NRCAM: variants seen among roughly 807,000 people sequenced by gnomAD.
The protein encoded by NRCAM is neuronal cell adhesion molecule, also known as NgCAM-related cell adhesion molecule.
Under a neutral mutation model 156.5 loss-of-function variants are expected in NRCAM, and 83 were observed. The observed-to-expected ratio is 0.53, with a 90% CI of 0.44 to 0.64. NRCAM has a LOEUF of 0.64. Ranked by LOEUF, NRCAM falls within the 30% of genes least tolerant of loss-of-function variation. The probability of loss-of-function intolerance (pLI) is 0.00; values close to 1 mark genes in which losing one functional copy is unlikely to be tolerated. For synonymous variants in NRCAM, 538 were observed against 563.9 expected (o/e 0.95, Z 0.65); for missense variants, 1,417 against 1,597.3 (o/e 0.89, Z 1.92).
intron 2 of NRCAM, among the ~76,000 whole-genome samples, chr7:108,382,664 A>T (rs1172601999): frequency 2.6e-5 from 4 of 152,160 alleles, no homozygotes; most frequent in Admixed American, 2.6e-4. Context: ...GGCAATCTGT[A>T]GAGGTACCCT....
At chr7:108,185,735 G>GAAAAAAAAAAAA (rs34028548) in intron 20 of NRCAM, among the ~76,000 whole-genome samples, 1 of 128,494 alleles carries the variant, frequency 7.8e-6, no homozygotes, top group African/African-American at 3.0e-5. Flanking sequence ...AGAGAGAGAG[G>GAAAAAAAAAAAA]AAAAAAAAAA....
intron 1 of NRCAM, among the ~76,000 whole-genome samples, chr7:108,400,743 G>C (rs1259153886): frequency 1.3e-5 from 2 of 152,042 alleles, no homozygotes; most frequent in African/African-American, 4.8e-5. Flanking sequence ...GAGTCAAGAG[G>C]TACAGTGACT....
At chr7:108,178,791 C>G (rs1053631483) in intron 25 of NRCAM, among the ~76,000 whole-genome samples, 7 of 152,134 alleles carry the variant, frequency 4.6e-5, no homozygotes, top group South Asian at 4.1e-4. Flanking sequence ...GGTGGCAGCT[C>G]TCTCTCACAA....
At chr7:108,313,476 T>C (rs1344293340) in intron 2 of NRCAM, among the ~76,000 whole-genome samples, 1 of 152,146 alleles carries the variant, frequency 6.6e-6, no homozygotes, top group Non-Finnish European at 1.5e-5. Context: ...TATCAACCTC[T>C]GAAAAACCCT....
At chr7:108,288,865 G>A (rs1449943221) in intron 3 of NRCAM, among the ~76,000 whole-genome samples, 1 of 152,056 alleles carries the variant, frequency 6.6e-6, no homozygotes, top group Non-Finnish European at 1.5e-5. Flanking sequence ...TCCTTCTTTG[G>A]AGGAGATATT....
intron 3 of NRCAM, among the ~76,000 whole-genome samples, chr7:108,281,394 C>A (rs1384770140): frequency 3.9e-5 from 6 of 151,988 alleles, no homozygotes; most frequent in African/African-American, 1.5e-4. Context: ...GGGGAGATAA[C>A]AGGAGACTGT....
intron 1 of NRCAM, among the ~76,000 whole-genome samples, chr7:108,455,321 C>T (rs2154508445): frequency 6.6e-6 from 1 of 152,292 alleles, no homozygotes; most frequent in East Asian, 1.9e-4. Flanking sequence ...GGGCGGCGCT[C>T]GGCGCAGATG....
chr7:108,392,989 T>TC (rs1251851915), intron 2 of NRCAM, among the ~76,000 whole-genome samples: 3 of 152,122 alleles, frequency 2.0e-5, no homozygotes, highest in African/African-American at 7.2e-5. Flanking sequence ...TGGGGGTGCC[T>TC]CCCAGTTAGG....
intron 30 of NRCAM, among the ~76,000 whole-genome samples, chr7:108,164,547 C>CCAGCGG (rs145160841): frequency 6.9e-6 from 1 of 145,736 alleles, no homozygotes; most frequent in African/African-American, 2.7e-5. Flanking sequence ...ACCGCGGAAC[C>CCAGCGG]GAGAGGAGAG....
intron 1 of NRCAM, among the ~76,000 whole-genome samples, chr7:108,406,371 C>A (rs1221489520): frequency 6.6e-6 from 1 of 152,158 alleles, no homozygotes. Context: ...CAAGAGTAAA[C>A]AGAGCCAAGG....
At chr7:108,210,707 C>T (rs1249866928) in intron 11 of NRCAM, among the ~76,000 whole-genome samples, 1 of 152,162 alleles carries the variant, frequency 6.6e-6, no homozygotes, top group East Asian at 1.9e-4. Context: ...TAATGCTTGA[C>T]TTGAACTAAT....
At chr7:108,338,764 C>T (rs1183540267) in intron 2 of NRCAM, among the ~76,000 whole-genome samples, 1 of 150,466 alleles carries the variant, frequency 6.6e-6, no homozygotes, top group Admixed American at 6.6e-5. Flanking sequence ...AAAACCTATA[C>T]TTGATAATTG....
At chr7:108,315,973 G>C (rs2098914512) in intron 2 of NRCAM, among the ~76,000 whole-genome samples, 1 of 152,200 alleles carries the variant, frequency 6.6e-6, no homozygotes, top group Non-Finnish European at 1.5e-5. Context: ...CTTACTGTCA[G>C]CATGCTGGAA....
chr7:108,421,504 A>G (rs1237535078), intron 1 of NRCAM, among the ~76,000 whole-genome samples: 1 of 152,234 alleles, frequency 6.6e-6, no homozygotes. Context: ...GAAATAAAGA[A>G]TGTGAATGCA....
intron 2 of NRCAM, among the ~76,000 whole-genome samples, chr7:108,349,498 C>CA (rs1047411267): frequency 6.6e-6 from 1 of 151,718 alleles, no homozygotes; most frequent in African/African-American, 2.4e-5. Context: ...TTGATCTCCT[C>CA]ACCTTGTGAT....
At chr7:108,406,916 T>A (rs1040075686) in intron 1 of NRCAM, among the ~76,000 whole-genome samples, 2 of 152,226 alleles carry the variant, frequency 1.3e-5, no homozygotes, top group African/African-American at 4.8e-5. Context: ...TATTCTTCCT[T>A]CATTTCTACT....
At chr7:108,435,624 G>A (rs1383235610) in intron 1 of NRCAM, among the ~76,000 whole-genome samples, 1 of 152,152 alleles carries the variant, frequency 6.6e-6, no homozygotes, top group Non-Finnish European at 1.5e-5. Flanking sequence ...GTGAGAGGAG[G>A]AAGAGGAAAA....
intron 27 of NRCAM, among the ~76,000 whole-genome samples, chr7:108,175,693 C>T (rs1247233593): frequency 6.6e-6 from 1 of 152,038 alleles, no homozygotes; most frequent in East Asian, 1.9e-4. Flanking sequence ...TTTATGCTAT[C>T]AAAGATAGTC....
intron 1 of NRCAM, among the ~76,000 whole-genome samples, chr7:108,411,724 G>A (rs1795612339): frequency 6.6e-6 from 1 of 151,952 alleles, no homozygotes; most frequent in South Asian, 2.1e-4. Context: ...GTAGAGACGG[G>A]GTTTCACCAT....
Sources: allele counts gnomAD v4.1 joint callset (sites outside exome capture counted in the v4.1 genomes callset), GRCh38; gene constraint gnomAD v4.1.1; transcripts MANE v1.5; gene names NCBI Gene and HGNC (gene_info 2026-07-23, HGNC 2026-07-21).